Variants in IGSF22 observed in about 807,000 individuals in gnomAD.
IGSF22 encodes the protein immunoglobulin superfamily, member 22.
Under a neutral mutation model 127.0 loss-of-function variants are expected in IGSF22, and 119 were observed. That is an observed-to-expected ratio of 0.94 (90% CI 0.81 to 1.09). The LOEUF is 1.09. Ranked by LOEUF, IGSF22 falls within the 50% of genes least tolerant of loss-of-function variation. The probability of loss-of-function intolerance (pLI) is 0.00; values close to 1 mark genes in which losing one functional copy is unlikely to be tolerated. For synonymous variants in IGSF22, 568 were observed against 664.7 expected (o/e 0.85, Z 2.24); for missense variants, 1,518 against 1,716.6 (o/e 0.88, Z 2.04).
chr11:18,714,529 C>T lies in IGSF22; in HGVS notation c.1627G>A (p.Glu543Lys), dbSNP rs771471973. 3 of 1,614,238 alleles carry T rather than the reference C, an allele frequency of 1.9e-6. No homozygotes were observed. The South Asian group carries it at 3.3e-5, about 18-fold the overall frequency. ...TTGCCATCCTTCAGCCACACACCCT[C>T]CACCTTCTCGTCATTCAGCACTACA... Reference protein sequence around the residue: ...LCVVLNDEKVEGVWLKDGKEI... With the variant: ...LCVVLNDEKVKGVWLKDGKEI... Residue 543 changes from glutamate to lysine, a missense_variant, in exon 12 of 23, where the codon GAG becomes AAG. Coordinates refer to ENST00000513874, the MANE Select transcript of IGSF22 (RefSeq NM_173588.4).
intron 6 of IGSF22, 66 bp downstream of exon 6, chr11:18,719,998 G>A (rs1417725434): frequency 1.2e-5 from 19 of 1,609,780 alleles, no homozygotes; most frequent in Non-Finnish European, 6.0e-6. Context: ...TTGTTGAGAG[G>A]CCTTTGAGAG....
intron 17 of IGSF22, 22 bp downstream of exon 17, chr11:18,710,305 G>A: frequency 6.2e-7 from 1 of 1,611,588 alleles, no homozygotes; most frequent in Non-Finnish European, 8.5e-7. Flanking sequence ...TATGTGTCAG[G>A]ACCTGGCAGC....
intron 21 of IGSF22, chr11:18,706,656 G>T: frequency 4.8e-6 from 2 of 419,768 alleles, no homozygotes; most frequent in Non-Finnish European, 8.4e-6. Context: ...GAACGCGTTT[G>T]CGCTCTATGT....
At chr11:18,725,514 C>T (rs1305044671) in intron 1 of IGSF22, among the ~76,000 whole-genome samples, 1 of 152,100 alleles carries the variant, frequency 6.6e-6, no homozygotes, top group Non-Finnish European at 1.5e-5. Context: ...GATCTTGGCC[C>T]ACGACAACCT....
rs564741325 is a variant in IGSF22, at chr11:18,707,037, T to A, written c.3457A>T (p.Lys1153Ter). ...YTAAERVFSN[K>*]YTVTGLLPGR... The stretch of plus-strand genomic sequence containing the variant: ...GGGAGCAGCCCCGTCACTGTGTACT[T>A]GTTGCTGAAGACACGCTCGGCTGCC... Residue 1153 changes from lysine to a stop codon, truncating the protein, a stop_gained, in exon 21 of 23, where the codon AAG becomes TAG. Coordinates refer to ENST00000513874, the MANE Select transcript of IGSF22 (RefSeq NM_173588.4). LOFTEE classifies it high-confidence loss of function. 13 of 1,551,672 alleles carry A rather than the reference T, an allele frequency of 8.4e-6. No homozygotes were observed. The East Asian group carries it at 2.9e-4, about 35-fold the overall frequency.
chr11:18,717,894 A>G lies in IGSF22; in HGVS notation c.973+37T>C, dbSNP rs768973369. Reference sequence around the variant, plus strand: ...GGCCATTCCTCTCTTCCAACCCGACATGTCCTCCTTGTGCCCTTGCATGCC... The same window carrying G: ...GGCCATTCCTCTCTTCCAACCCGACGTGTCCTCCTTGTGCCCTTGCATGCC... On this transcript the variant is annotated intron_variant, in intron 9 of 22. Coordinates refer to ENST00000513874, the MANE Select transcript of IGSF22 (RefSeq NM_173588.4). 5 of 1,602,004 alleles carry G rather than the reference A, an allele frequency of 3.1e-6. No individual in the cohort carries two copies. The South Asian group carries it at 4.5e-5, about 14-fold the overall frequency.
intron 15 of IGSF22, among the ~76,000 whole-genome samples, chr11:18,711,127 C>CA (rs373207605): frequency 0.013 from 1,883 of 144,320 alleles, 53 homozygotes; most frequent in African/African-American, 0.045. Context: ...GAAGTAAAAA[C>CA]AAAAATGAAA....
chr11:18,722,306 A>AT (rs11403570), intron 2 of IGSF22, among the ~76,000 whole-genome samples: 144,596 of 149,582 alleles, frequency 0.97, 70,014 homozygotes, highest in Non-Finnish European at 1. Context: ...CTGAGTCCTA[A>AT]TTTTTTTTTT....
intron 1 of IGSF22, among the ~76,000 whole-genome samples, chr11:18,725,855 C>A (rs572716246): frequency 1.3e-5 from 2 of 152,210 alleles, no homozygotes; most frequent in Admixed American, 1.3e-4. Context: ...AGTCCAGTGG[C>A]GTCCCAGAGG....
chr11:18,710,601 C>G, intron 16 of IGSF22, 54 bp downstream of exon 16: 2 of 1,587,606 alleles, frequency 1.3e-6, no homozygotes, highest in Non-Finnish European at 1.7e-6. Context: ...TTAATGGGTC[C>G]ACTCAGCAAG....
intron 11 of IGSF22, among the ~76,000 whole-genome samples, chr11:18,715,092 T>C (rs1848436497): frequency 6.6e-6 from 1 of 151,560 alleles, no homozygotes; most frequent in South Asian, 2.1e-4. Context: ...GAAAGTGGTT[T>C]ATGGTTAGGT....
Position 18,707,231 on chromosome 11 carries a change from T to C in IGSF22, c.3281-18A>G, listed in dbSNP as rs773210586. On this transcript the variant is annotated intron_variant, in intron 20 of 22. Transcript: ENST00000513874. ...AGGGAAATCTGGAAGAGTTGGAAGA[T>C]CTGTCAGCGACCTTGGGGCACCTGA... 22 of 1,508,422 alleles carry C rather than the reference T, an allele frequency of 1.5e-5. No individual in the cohort carries two copies. The South Asian group carries it at 2.7e-4, about 19-fold the overall frequency. The allele number at this position is 1,508,422 out of a possible 1,614,324, so 93.4% of individuals were successfully genotyped here. A position where few individuals can be genotyped will look rare whatever the true frequency, so the allele number is the denominator to read the frequency against.
intron 20 of IGSF22, 33 bp downstream of exon 20, chr11:18,707,771 T>G: frequency 4.6e-6 from 7 of 1,534,316 alleles, no homozygotes; most frequent in Non-Finnish European, 5.3e-6. Flanking sequence ...TGTACAGGGA[T>G]GGGTCTTGGA....
Position 18,720,105 on chromosome 11 carries a change from T to A in IGSF22, c.479-2A>T, listed in dbSNP as rs201892326. On this transcript the variant is annotated splice_acceptor_variant, in intron 5 of 22. Coordinates refer to ENST00000513874, the MANE Select transcript of IGSF22 (RefSeq NM_173588.4). LOFTEE classifies it high-confidence loss of function. Reference sequence around the variant, plus strand: ...TTTTGAAGTCCATTTTCTCTTGACCTGAGGATAGACAGAGGGACAGGTTCA... The same window carrying A: ...TTTTGAAGTCCATTTTCTCTTGACCAGAGGATAGACAGAGGGACAGGTTCA... 5,630 of 1,614,146 alleles carry A rather than the reference T, an allele frequency of 3.5e-3. 13 individuals carry two copies. Among genetic ancestry groups the A allele is most frequent in the Non-Finnish European group, 4.6e-3 (5,373 of 1,180,004 alleles).
Position 18,719,898 on chromosome 11 carries a change from G to A in IGSF22, c.519-5C>T, listed in dbSNP as rs768450022. On this transcript the variant is annotated splice_region_variant and splice_polypyrimidine_tract_variant and intron_variant, in intron 6 of 22. Coordinates refer to ENST00000513874, the MANE Select transcript of IGSF22 (RefSeq NM_173588.4). ...TTCTTGGGAGCAGGGGGTGCCCTAG[G>A]AGAAGGAGGAAGGGACTAAGCTTGT... The A allele has an allele frequency of 6.8e-6, 11 of 1,614,058 alleles. No homozygotes were observed. The highest frequency in any genetic ancestry group is 9.3e-6 in the Non-Finnish European group (11 of 1,179,982).
chr11:18,721,386 G>C lies in IGSF22; in HGVS notation c.378+149C>G. The C allele has an allele frequency of 2.8e-6, 3 of 1,055,294 alleles. No individual in the cohort carries two copies. In the South Asian group the frequency reaches 3.9e-5, roughly 14 times the overall value. The allele number at this position is 1,055,294 out of a possible 1,614,324, so 65.4% of individuals were successfully genotyped here. ...CTGACTCGGCCTCTCTTATCCTGCC[G>C]CGCCTCTCGGGCAATGACAGCTGCT... On this transcript the variant is annotated intron_variant, in intron 4 of 22. Transcript: ENST00000513874.
chr11:18,718,615 C>T lies in IGSF22; in HGVS notation c.810G>A (p.Lys270=), dbSNP rs746157796. Reference sequence around the variant, plus strand: ...TGGACCCTGGCTAGGCATCCCCCACCTTGATCCATATCATCTTGACATTGG... The same window carrying T: ...TGGACCCTGGCTAGGCATCCCCCACTTTGATCCATATCATCTTGACATTGG... ...KDPNVKMIWI[K]GTEPLRIQYS... The change falls in exon 8 of 23, where the codon AAG becomes AAA. Residue 270 remains lysine (K), a splice_region_variant and synonymous_variant. Transcript: ENST00000513874. 88 of 1,583,804 alleles carry T rather than the reference C, an allele frequency of 5.6e-5. 1 individual carries two copies. In the South Asian group the frequency reaches 9.5e-4, roughly 17 times the overall value.
rs534938944 is a variant in IGSF22, at chr11:18,706,015, C to T, written c.3712G>A (p.Gly1238Arg). The stretch of plus-strand genomic sequence containing the variant: ...AGGGTCACTGTGGGCCGCGGGTTCC[C>T]AAGGAAGGCGCAGGTCATGGTGCAG... ...QDCTMTCAFL[G>R]NPRPTVTLYK... Residue 1238 changes from glycine to arginine, a missense_variant, in exon 22 of 23, where the codon GGG (glycine) becomes AGG (arginine). Around this residue, in one of 3 missense-constraint regions of IGSF22, gnomAD observed 1,456 missense variants for 1,644.9 expected, o/e 0.89. Coordinates refer to ENST00000513874, the MANE Select transcript of IGSF22 (RefSeq NM_173588.4). The T allele has an allele frequency of 6.4e-7, 1 of 1,551,680 alleles. No individual in the cohort carries two copies. Among genetic ancestry groups the T allele is most frequent in the South Asian group, 1.2e-5 (1 of 84,062 alleles).
intron 1 of IGSF22, 150 bp from the exon 2 acceptor site, chr11:18,724,419 C>A: frequency 1.9e-6 from 1 of 522,630 alleles, no homozygotes. Flanking sequence ...CATTTCCTAG[C>A]TTCCTTTTCC....
Sources: gnomAD v4.1 joint callset for allele counts (sites outside exome capture counted in the v4.1 genomes callset) on GRCh38, gnomAD v4.1.1 for gene constraint, gnomAD v4.1.1 regional missense constraint, MANE v1.5 for transcripts, NCBI Gene and HGNC (gene_info 2026-07-23, HGNC 2026-07-21) for gene names.